Variants in NOD1 observed in about 807,000 individuals in gnomAD.
The protein encoded by NOD1 is nucleotide binding oligomerization domain containing 1.
In NOD1, 70 loss-of-function variants were observed where a neutral mutation model predicts 81.2. The observed-to-expected ratio is 0.86, with a 90% CI of 0.71 to 1.05. The LOEUF is 1.05. Among genes scored for constraint, NOD1 ranks in the 50% least tolerant of loss-of-function variants. The pLI is 0.00. For synonymous variants in NOD1, 508 were observed against 526.9 expected, an observed-to-expected ratio of 0.96 and a Z score of 0.49; for missense variants, 1,233 against 1,228.0, an observed-to-expected ratio of 1.00 and a Z score of -0.06.
intron 3 of NOD1, among the ~76,000 whole-genome samples, chr7:30,457,451 T>TA (rs1339223624): frequency 3.3e-5 from 5 of 152,078 alleles, no homozygotes; most frequent in Admixed American, 6.6e-5. Context: ...GCCCTGTCTC[T>TA]AAAAAAACTT....
intron 12 of NOD1, among the ~76,000 whole-genome samples, chr7:30,432,436 A>G (rs1278535566): frequency 6.6e-6 from 1 of 152,260 alleles, no homozygotes; most frequent in East Asian, 1.9e-4. Context: ...TAAAAGATGG[A>G]CAATAATAAG....
At position 30,452,188 on chromosome 7, in the gene NOD1, C is replaced by A; in HGVS notation, c.1229G>T (p.Gly410Val). The A allele has an allele frequency of 1.2e-6, 2 of 1,613,930 alleles. No homozygotes were observed. Among genetic ancestry groups the A allele is most frequent in the Non-Finnish European group, 1.7e-6 (2 of 1,180,022 alleles). ...CGTGCAGTCGGGCAGCTGTGGTGAG[C>A]CTTCAAAGGCAGCACGGAAGTGCTG... ...CFQHFRAAFEGSPQLPDCTMT... is the reference protein window; with the variant it reads ...CFQHFRAAFEVSPQLPDCTMT... The change falls in exon 6 of 14, where the codon GGC becomes GTC. Residue 410 changes from glycine to valine, a missense_variant. By Grantham distance (109) the Gly-to-Val change is moderately radical (BLOSUM62 -3). Coordinates refer to ENST00000222823, the MANE Select transcript of NOD1 (RefSeq NM_006092.4).
intron 7 of NOD1, chr7:30,447,742 T>C (rs557470007): frequency 6.4e-6 from 1 of 155,180 alleles, no homozygotes; most frequent in East Asian, 1.9e-4. Context: ...TCAAAGGCTC[T>C]GAATGCCCAA....
At chr7:30,472,084 T>C (rs890761016) in intron 1 of NOD1, among the ~76,000 whole-genome samples, 1 of 152,214 alleles carries the variant, frequency 6.6e-6, no homozygotes, top group Non-Finnish European at 1.5e-5. Context: ...ATTATCTGAA[T>C]AAATAGAAGT....
chr7:30,447,204 G>A, intron 7 of NOD1, 154 bp from the exon 8 acceptor site: 1 of 1,306,844 alleles, frequency 7.7e-7, no homozygotes, highest in Non-Finnish European at 1.1e-6. Context: ...AGGTCTCACA[G>A]CTCAGGTTCA....
At position 30,452,664 on chromosome 7, in the gene NOD1, C is replaced by A; in HGVS notation, c.753G>T (p.Gln251His). Residue 251 changes from glutamine to histidine, a missense_variant, in exon 6 of 14, where the codon CAG (glutamine) becomes CAT (histidine). Transcript: ENST00000222823. ...CFKESDRLCL[Q>H]DLLFKHYCYP... is the part of the protein sequence containing the mutation. ...AGCAGTAGTGCTTGAAGAGCAGGTC[C>A]TGCAGACACAGCCTGTCACTTTCCT... 6.2e-7 allele frequency: 1 copy of A among 1,613,872 alleles called. No individual in the cohort carries two copies. Among genetic ancestry groups the A allele is most frequent in the Non-Finnish European group, 8.5e-7 (1 of 1,180,046 alleles).
chr7:30,477,668 C>A (rs1021343761), intron 1 of NOD1, among the ~76,000 whole-genome samples: 1 of 150,048 alleles, frequency 6.7e-6, no homozygotes, highest in Non-Finnish European at 1.5e-5. Context: ...GCATGCGCCA[C>A]CACGCCCGGT....
At chr7:30,429,496 TG>T (rs1391029661) in intron 12 of NOD1, 39 bp from the exon 13 acceptor site, 8 of 1,579,696 alleles carry the variant, frequency 5.1e-6, no homozygotes, top group Non-Finnish European at 7.0e-6. Flanking sequence ...TCCATAATAC[TG>T]GATCAAATTT....
chr7:30,460,430 G>A (rs755541820), intron 1 of NOD1: 14 of 985,262 alleles, frequency 1.4e-5, no homozygotes, highest in Non-Finnish European at 1.4e-5. Flanking sequence ...ATTGGGCTGG[G>A]GCCAGGTATC....
chr7:30,462,594 C>A (rs1432444387), intron 1 of NOD1, among the ~76,000 whole-genome samples: 1 of 152,058 alleles, frequency 6.6e-6, no homozygotes, highest in African/African-American at 2.4e-5. Context: ...GCCAATGAAA[C>A]AAGAATCCAT....
chr7:30,434,426 CTA>C (rs1784215265), intron 11 of NOD1, among the ~76,000 whole-genome samples: 1 of 152,052 alleles, frequency 6.6e-6, no homozygotes, highest in Non-Finnish European at 1.5e-5. Flanking sequence ...GCTAAACCGT[CTA>C]TGATGCACAG....
chr7:30,425,780 G>A (rs1194092160), intron 13 of NOD1, 70 bp from the exon 14 acceptor site: 5 of 1,039,634 alleles, frequency 4.8e-6, no homozygotes, highest in Non-Finnish European at 7.6e-6. Context: ...CCTTCCCAAG[G>A]TGTGTTCATA....
chr7:30,432,765 A>T (rs1422043313), intron 12 of NOD1, among the ~76,000 whole-genome samples: 2 of 152,248 alleles, frequency 1.3e-5, no homozygotes, highest in Non-Finnish European at 2.9e-5. Flanking sequence ...AAAGGAATGA[A>T]ACATGCTAGA....
At chr7:30,475,985 G>A (rs988492906) in intron 1 of NOD1, 2 of 152,156 alleles carry the variant, frequency 1.3e-5, no homozygotes, top group Non-Finnish European at 2.9e-5. Context: ...GCAACTGACT[G>A]TCCCTAGAAG....
intron 1 of NOD1, chr7:30,463,900 C>T (rs2128090729): frequency 6.6e-6 from 1 of 152,142 alleles, no homozygotes; most frequent in South Asian, 2.1e-4. Context: ...TGGAGCACTT[C>T]CTTTCAGCTT....
Position 30,425,570 on chromosome 7 carries a change from G to T in NOD1, c.*68C>A. The T allele has an allele frequency of 8.7e-7, 1 of 1,154,360 alleles. No individual in the cohort carries two copies. The highest frequency in any genetic ancestry group is 1.3e-6 in the Non-Finnish European group (1 of 760,270). The allele number at this position is 1,154,360 out of a possible 1,614,324, so 71.5% of individuals were successfully genotyped here. A position where few individuals can be genotyped will look rare whatever the true frequency, so the allele number is the denominator to read the frequency against. ...GCCCCTTTAAGACACTGACACAAAA[G>T]ACTGCCCAGAGTGGCATTTGCTGCT... is the stretch of plus-strand genomic sequence containing the variant. On this transcript the variant is annotated 3_prime_UTR_variant, in exon 14 of 14. Transcript: ENST00000222823.
chr7:30,448,495 C>A, intron 6 of NOD1, 114 bp from the exon 7 acceptor site: 1 of 886,574 alleles, frequency 1.1e-6, no homozygotes, highest in Non-Finnish European at 1.8e-6. Context: ...CAGGTATAGA[C>A]GCCCCTGGAG....
intron 5 of NOD1, among the ~76,000 whole-genome samples, chr7:30,454,828 A>G (rs981962777): frequency 2.9e-4 from 44 of 152,294 alleles, no homozygotes; most frequent in African/African-American, 1.1e-3. Flanking sequence ...AAAAAATACA[A>G]CCTTGAATTT....
rs748315511 is a variant in NOD1 at position 30,451,873 on chromosome 7, A to C, written c.1544T>G (p.Phe515Cys). ...GAAGGCCTGGAGGGTGAGGTGGAAA[A>C]ACTCATAGGACTGCTGGTCACCCCC... ...GPGGDQQSYE[F>C]FHLTLQAFFT... The change falls in exon 6 of 14, where the codon TTT (phenylalanine) becomes TGT (cysteine). Residue 515 changes from phenylalanine to cysteine, a missense_variant. By Grantham distance (205) the Phe-to-Cys change is radical. Transcript: ENST00000222823. This position sits in a 1 kb window ranked among gnomAD's most constrained non-coding sequence, Gnocchi z 4.2. 5 of 1,613,520 alleles carry C rather than the reference A, an allele frequency of 3.1e-6. No homozygotes were observed. The highest frequency in any genetic ancestry group is 4.2e-6 in the Non-Finnish European group (5 of 1,180,008).
Sources: allele counts gnomAD v4.1 joint callset (sites outside exome capture counted in the v4.1 genomes callset), GRCh38; gene constraint gnomAD v4.1.1; non-coding constraint Gnocchi (gnomAD v3.1); transcripts MANE v1.5; gene names NCBI Gene and HGNC (gene_info 2026-07-23, HGNC 2026-07-21).